CNBD1: variants seen among roughly 807,000 people sequenced by gnomAD.
CNBD1 encodes cyclic nucleotide-binding domain-containing protein 1.
A neutral mutation model predicts 54.4 loss-of-function variants in CNBD1; 71 were observed. That is an observed-to-expected ratio of 1.30 (90% CI 1.08 to 1.59). The LOEUF (loss-of-function observed/expected upper bound fraction) is 1.59. Among genes scored for constraint, CNBD1 ranks in the 40% most tolerant of loss-of-function variants. The probability of loss-of-function intolerance (pLI) is 0.00; values close to 1 mark genes in which losing one functional copy is unlikely to be tolerated. For missense variants in CNBD1, 659 were observed against 518.0 expected (o/e 1.27, Z -2.64); for synonymous variants, 182 against 170.7 (o/e 1.07, Z -0.51).
At chr8:87,021,488 C>T (rs923339927) in intron 4 of CNBD1, among the ~76,000 whole-genome samples, 17 of 152,172 alleles carry the variant, frequency 1.1e-4, no homozygotes, top group African/African-American at 3.9e-4. Context: ...TACTGACATA[C>T]ATTTTAGTTT....
chr8:87,104,442 G>A (rs1055788580), intron 4 of CNBD1, among the ~76,000 whole-genome samples: 1 of 152,230 alleles, frequency 6.6e-6, no homozygotes, highest in Non-Finnish European at 1.5e-5. Flanking sequence ...TGCTTCCAGG[G>A]ATCAGAAATG....
At chr8:87,077,011 C>A (rs1208059123) in intron 4 of CNBD1, among the ~76,000 whole-genome samples, 5 of 152,096 alleles carry the variant, frequency 3.3e-5, no homozygotes, top group Non-Finnish European at 7.4e-5. Flanking sequence ...GAAAATATCA[C>A]CAAAATAATT....
At chr8:87,368,185 A>C (rs548603597) in intron 10 of CNBD1, among the ~76,000 whole-genome samples, 1 of 151,836 alleles carries the variant, frequency 6.6e-6, no homozygotes, top group South Asian at 2.1e-4. Context: ...AGAAAAGAAA[A>C]GAATATGTTA....
chr8:86,887,496 T>G, intron 1 of CNBD1, 46 bp from the exon 2 acceptor site: 1 of 1,234,702 alleles, frequency 8.1e-7, no homozygotes, highest in South Asian at 1.4e-5. Context: ...ACTTGCTTAA[T>G]AAGATTATGG....
chr8:87,347,971 T>A lies in CNBD1; in HGVS notation c.1043-3714T>A, dbSNP rs1810208965. ...CTCTGAGGCATATTCAAAATTTAAT[T>A]TTTTAATTTGTATTTCTCTAGATTT... On this transcript the variant is annotated intron_variant, in intron 8 of 10. Transcript: ENST00000518476. Among the ~76,000 whole-genome samples the A allele has an allele frequency of 2.0e-5, 3 of 152,210 alleles. No homozygotes were observed. In the South Asian group the frequency reaches 6.2e-4, roughly 31 times the overall value.
At chr8:87,262,037 C>T (rs1027941124) in intron 6 of CNBD1, among the ~76,000 whole-genome samples, 2 of 151,790 alleles carry the variant, frequency 1.3e-5, no homozygotes, top group African/African-American at 4.8e-5. Context: ...GCCTGTAGTC[C>T]CAGCTACTTT....
intron 5 of CNBD1, among the ~76,000 whole-genome samples, chr8:87,228,362 C>A (rs1280574252): frequency 3.3e-5 from 5 of 149,780 alleles, no homozygotes; most frequent in African/African-American, 1.3e-4. Context: ...TTTTCCCCAT[C>A]TTTGTGGTTT....
intron 2 of CNBD1, among the ~76,000 whole-genome samples, chr8:87,413,434 CTA>C (rs1807781311): frequency 6.6e-6 from 1 of 152,062 alleles, no homozygotes. Context: ...AGATTTAATA[CTA>C]TGACTCAATT....
chr8:87,225,267 C>G (rs1814454507), intron 5 of CNBD1, among the ~76,000 whole-genome samples: 2 of 147,520 alleles, frequency 1.4e-5, no homozygotes, highest in Non-Finnish European at 3.0e-5. Context: ...CTGGCCAGAA[C>G]TTCCAACACT....
intron 8 of CNBD1, among the ~76,000 whole-genome samples, chr8:87,313,254 T>C (rs539119019): frequency 2.0e-5 from 3 of 152,194 alleles, no homozygotes; most frequent in Admixed American, 1.3e-4. Context: ...TTAGAAAGAA[T>C]TGCAGGGACT....
intron 4 of CNBD1, among the ~76,000 whole-genome samples, chr8:87,105,648 C>T (rs1390528469): frequency 3.3e-5 from 5 of 152,128 alleles, no homozygotes; most frequent in Admixed American, 3.3e-4. Flanking sequence ...AAAAGCATGG[C>T]CTCCCACCTG....
At chr8:87,048,482 T>C (rs528883007) in intron 4 of CNBD1, among the ~76,000 whole-genome samples, 2 of 152,304 alleles carry the variant, frequency 1.3e-5, no homozygotes, top group Admixed American at 6.5e-5. Flanking sequence ...TTGTTTTTTC[T>C]ATTTTTCATA....
chr8:86,957,590 C>G (rs530590338), intron 4 of CNBD1, among the ~76,000 whole-genome samples: 1 of 152,292 alleles, frequency 6.6e-6, no homozygotes, highest in East Asian at 1.9e-4. Flanking sequence ...TTATCCATTT[C>G]TTCTAGATTT....
At chr8:87,216,299 C>G (rs1232918343) in intron 5 of CNBD1, among the ~76,000 whole-genome samples, 1 of 152,064 alleles carries the variant, frequency 6.6e-6, no homozygotes, top group East Asian at 1.9e-4. Flanking sequence ...CTGAGACAAA[C>G]TCTTTCTGTG....
chr8:87,016,469 A>G (rs1052585375), intron 4 of CNBD1, among the ~76,000 whole-genome samples: 8 of 149,194 alleles, frequency 5.4e-5, no homozygotes, highest in African/African-American at 2.0e-4. Context: ...AAAAAAAAAA[A>G]CTATCTAGGG....
intron 4 of CNBD1, among the ~76,000 whole-genome samples, chr8:87,030,342 T>C (rs1454755222): frequency 6.6e-6 from 1 of 152,194 alleles, no homozygotes; most frequent in Non-Finnish European, 1.5e-5. Context: ...AATGGAGAAA[T>C]AAGCATTAAA....
Position 87,286,646 on chromosome 8 carries a change from A to G in CNBD1, c.1017A>G (p.Lys339=), listed in dbSNP as rs750653029. ...TATATGAGCTAATTGCACTCCTTAA[A>G]TGGAAAAAATTTCCTCCAGGTCATG... ...LSIYELIALL[K]WKKFPPGHVI... Residue 339 remains lysine (K), a synonymous_variant, in exon 8 of 11, where the codon AAA becomes AAG. Transcript: ENST00000518476. The G allele has an allele frequency of 5.2e-6, 8 of 1,542,656 alleles. No individual in the cohort carries two copies. The East Asian group carries it at 1.7e-4, about 33-fold the overall frequency.
At chr8:87,353,927 T>C in intron 10 of CNBD1, 141 bp downstream of exon 10, 1 of 547,524 alleles carries the variant, frequency 1.8e-6, no homozygotes, top group Non-Finnish European at 3.2e-6. Context: ...TTGCATAATC[T>C]CCTCCAGATC....
intron 4 of CNBD1, among the ~76,000 whole-genome samples, chr8:87,141,428 G>A (rs562800171): frequency 1.3e-5 from 2 of 152,208 alleles, no homozygotes; most frequent in East Asian, 3.9e-4. Context: ...TAAAAGGTTA[G>A]TTCAATTACT....
Sources: allele counts gnomAD v4.1 joint callset (sites outside exome capture counted in the v4.1 genomes callset), GRCh38; gene constraint gnomAD v4.1.1; transcripts MANE v1.5; gene names NCBI Gene and HGNC (gene_info 2026-07-23, HGNC 2026-07-21).